The following MCF2 variants were observed in gnomAD, a reference collection of about 807,000 sequenced individuals.
MCF2 encodes MCF.2 cell line derived transforming sequence, also known as proto-oncogene DBL.
In MCF2, 44 loss-of-function variants were observed where a neutral mutation model predicts 82.5. The observed-to-expected ratio is 0.53, with a 90% confidence interval of 0.42 to 0.69. The LOEUF (loss-of-function observed/expected upper bound fraction) is 0.69. MCF2 is among the 30% of genes least tolerant of loss of function. The probability of loss-of-function intolerance (pLI) is 0.00; values close to 1 mark genes in which losing one functional copy is unlikely to be tolerated. For missense variants in MCF2, 623 were observed against 663.1 expected (o/e 0.94, Z 0.66); for synonymous variants, 217 against 224.9 (o/e 0.96, Z 0.32).
intron 1 of MCF2, among the ~76,000 whole-genome samples, chrX:139,697,381 G>A (rs1184686113): frequency 8.9e-6 from 1 of 111,850 alleles, no homozygotes; most frequent in Non-Finnish European, 1.9e-5. Flanking sequence ...CATGACTGAA[G>A]AAATATCCAC....
At chrX:139,628,365 A>T (rs945505142) in intron 4 of MCF2, among the ~76,000 whole-genome samples, 1 of 111,980 alleles carries the variant, frequency 8.9e-6, no homozygotes, top group Non-Finnish European at 1.9e-5. Context: ...AAGCAAATTA[A>T]TGCAAGAACA....
chrX:139,659,416 G>A (rs1934295864), intron 1 of MCF2, among the ~76,000 whole-genome samples: 1 of 111,941 alleles, frequency 8.9e-6, no homozygotes, highest in Non-Finnish European at 1.9e-5. Context: ...ATTCTATGGG[G>A]CTAATGATAG....
chrX:139,667,621 G>A (rs1934563442), intron 1 of MCF2, among the ~76,000 whole-genome samples: 1 of 112,051 alleles, frequency 8.9e-6, no homozygotes, highest in South Asian at 3.8e-4. Context: ...GTCTCAGGGG[G>A]TGTGGGCAGG....
chrX:139,607,842 A>T, intron 11 of MCF2, 63 bp from the exon 16 acceptor site: 1 of 718,144 alleles, frequency 1.4e-6, no homozygotes, highest in Non-Finnish European at 2.1e-6. Context: ...CTTCAAGGCG[A>T]TCCAGCTCAA....
rs57048524 is a variant in MCF2, at chrX:139,677,045, G to A, written c.-44-25257C>T. 6.3e-3 allele frequency among the ~76,000 whole-genome samples: 708 copies of A among 112,076 alleles called. 7 individuals are homozygous for A. Among genetic ancestry groups the A allele is most frequent in the African/African-American group, 0.022 (671 of 30,875 alleles). On this transcript the variant is annotated intron_variant, in intron 1 of 27. Transcript: ENST00000414978. ...AGCAGCTCCTGATAAGATCTCAGGA[G>A]TTGGGTAAGTGGGCTCATGCATGCA...
upstream of MCF2, among the ~76,000 whole-genome samples, chrX:139,647,624 T>C (rs1408369594): frequency 9.0e-6 from 1 of 110,666 alleles, no homozygotes; most frequent in African/African-American, 3.3e-5. Context: ...CCAGTGCTCA[T>C]AGGTGAGGCT....
At chrX:139,682,015 C>T (rs769314678) in intron 1 of MCF2, among the ~76,000 whole-genome samples, 2 of 110,823 alleles carry the variant, frequency 1.8e-5, no homozygotes, top group East Asian at 5.6e-4. Flanking sequence ...AAGATACTTC[C>T]CTACCAAAAA....
In MCF2 at chrX:139,685,025, T is replaced by C. The variant is rs1935088798; in HGVS notation, c.-45+23081A>G. On this transcript the variant is annotated intron_variant, in intron 1 of 27. Coordinates refer to the MCF2 transcript ENST00000414978. ...ATTTTTAAAAATAGGCTCTCATATA[T>C]GACAAACAGATAGCCAAGGTCATAC... Among the ~76,000 whole-genome samples, 3 of 111,580 alleles carry C rather than the reference T, an allele frequency of 2.7e-5. No homozygotes were observed. The South Asian group carries it at 1.1e-3, about 42-fold the overall frequency.
At chrX:139,672,427 T>A (rs908194386) in intron 1 of MCF2, among the ~76,000 whole-genome samples, 1 of 112,828 alleles carries the variant, frequency 8.9e-6, no homozygotes, top group East Asian at 2.8e-4. Flanking sequence ...TTTTTGCCCA[T>A]TCAGTATGAC....
At chrX:139,650,230 T>G (rs947709134) in intron 2 of MCF2, among the ~76,000 whole-genome samples, 3 of 111,618 alleles carry the variant, frequency 2.7e-5, no homozygotes, top group Non-Finnish European at 3.8e-5. Context: ...GGCACACTCC[T>G]ATAGTTCCAG....
At chrX:139,631,499 T>C (rs781620912) in exon 3 of MCF2, 1 of 1,180,839 alleles carries the variant, frequency 8.5e-7, no homozygotes, top group Middle Eastern at 2.3e-4. Context: ...CTAACTGAGC[T>C]CAGCATAACA....
intron 1 of MCF2, among the ~76,000 whole-genome samples, chrX:139,666,721 T>C (rs772788556): frequency 1.3e-4 from 15 of 111,845 alleles, no homozygotes; most frequent in Non-Finnish European, 2.6e-4. Context: ...CTGGGGATCA[T>C]TGAGACTCCT....
exon 19 of MCF2, chrX:139,596,730 C>T (rs775923087): frequency 5.8e-6 from 7 of 1,209,688 alleles, no homozygotes; most frequent in Non-Finnish European, 7.8e-6. Flanking sequence ...AACGCTGAAT[C>T]CACCTTGCAT....
At chrX:139,622,620 T>C (rs1932478303) in intron 6 of MCF2, among the ~76,000 whole-genome samples, 1 of 109,425 alleles carries the variant, frequency 9.1e-6, no homozygotes, top group African/African-American at 3.3e-5. Context: ...CTCAGCAAAC[T>C]ATCGCAAGGA....
At chrX:139,691,383 T>C (rs1275907057) in intron 1 of MCF2, among the ~76,000 whole-genome samples, 8 of 111,427 alleles carry the variant, frequency 7.2e-5, no homozygotes, top group African/African-American at 2.6e-4. Flanking sequence ...AAAATTGCTT[T>C]TTCAACTTCA....
intron 2 of MCF2, among the ~76,000 whole-genome samples, chrX:139,650,102 C>G (rs1933944324): frequency 9.0e-6 from 1 of 111,253 alleles, no homozygotes; most frequent in Non-Finnish European, 1.9e-5. Flanking sequence ...TGCCTGTAAT[C>G]ACAGCACTTT....
intron 4 of MCF2, among the ~76,000 whole-genome samples, chrX:139,629,083 G>A (rs762214713): frequency 3.5e-4 from 39 of 111,962 alleles, no homozygotes; most frequent in Admixed American, 2.9e-3. Context: ...GATATGTTCC[G>A]AGAAATGCAT....
At position 139,639,641 on chromosome X, in the gene MCF2, A is replaced by T. The variant is rs73577519; in HGVS notation, c.51+2827T>A. ...AGCAGTAACAACAACAATAACAACAAGAGCAGGCGTAAACCAAATACATCA... is the reference window on the plus strand; with the variant it reads ...AGCAGTAACAACAACAATAACAACATGAGCAGGCGTAAACCAAATACATCA... On this transcript the variant is annotated intron_variant, in intron 1 of 24. Transcript: ENST00000370576. Among the ~76,000 whole-genome samples, 771 of 111,807 alleles carry T rather than the reference A, an allele frequency of 6.9e-3. 12 individuals are homozygous for T. Among genetic ancestry groups the T allele is most frequent in the African/African-American group, 0.024 (735 of 30,766 alleles).
At chrX:139,653,009 T>A (rs903125235) in intron 1 of MCF2, among the ~76,000 whole-genome samples, 4 of 112,300 alleles carry the variant, frequency 3.6e-5, no homozygotes, top group African/African-American at 1.3e-4. Flanking sequence ...ATACATGCCA[T>A]TACAAATATC....
Sources: gnomAD v4.1 joint callset for allele counts (sites outside exome capture counted in the v4.1 genomes callset) on GRCh38, gnomAD v4.1.1 for gene constraint, MANE v1.5 for transcripts, NCBI Gene and HGNC (gene_info 2026-07-23, HGNC 2026-07-21) for gene names.